Variants in EPHA3 observed in about 807,000 individuals in gnomAD.
EPHA3 encodes the protein EPH receptor A3, also known as ephrin type-A receptor 3.
In EPHA3, 42 loss-of-function variants were observed where a neutral mutation model predicts 107.1. The observed-to-expected ratio is 0.39, with a 90% CI of 0.31 to 0.51. The LOEUF (loss-of-function observed/expected upper bound fraction) is 0.51, where lower values mean the gene tolerates loss of function less well. EPHA3 is among the 20% of genes least tolerant of loss of function. EPHA3 has a pLI of 0.78. For synonymous variants in EPHA3, 461 were observed against 424.8 expected (o/e 1.09, Z -1.05); for missense variants, 1,183 against 1,211.2 (o/e 0.98, Z 0.35).
intron 5 of EPHA3, among the ~76,000 whole-genome samples, chr3:89,390,823 T>C (rs931044254): frequency 6.8e-6 from 1 of 147,158 alleles, no homozygotes; most frequent in African/African-American, 2.6e-5. Flanking sequence ...TTACTCTTGT[T>C]TTCCAGGCTG....
At chr3:89,466,906 G>A (rs894125941) in intron 15 of EPHA3, among the ~76,000 whole-genome samples, 4 of 151,564 alleles carry the variant, frequency 2.6e-5, no homozygotes, top group Admixed American at 1.3e-4. Flanking sequence ...TTTACCACAC[G>A]GAGGAATTAA....
intron 3 of EPHA3, among the ~76,000 whole-genome samples, chr3:89,272,026 T>C (rs1705681097): frequency 6.6e-6 from 1 of 152,096 alleles, no homozygotes; most frequent in Non-Finnish European, 1.5e-5. Context: ...ATTTTCTTAA[T>C]AACTTTGTCT....
rs1297768394 is a variant in EPHA3 at position 89,466,547 on chromosome 3, A to C, written c.2691-5917A>C. On this transcript the variant is annotated intron_variant, in intron 15 of 16. Coordinates refer to ENST00000336596, the MANE Select transcript of EPHA3 (RefSeq NM_005233.6). ...ATAGTCTTGTGGTGCGCCGTTTCTT[A>C]AGCCGGTCTGAAAAGCGCAATATTC... Among the ~76,000 whole-genome samples the C allele has an allele frequency of 3.0e-5, 4 of 132,950 alleles. 1 individual carries two copies. The highest frequency in any genetic ancestry group is 4.9e-5 in the Non-Finnish European group (3 of 61,246). The allele number at this position is 132,950 out of a possible 152,430, so 87.2% of individuals were successfully genotyped here. A position where few individuals can be genotyped will look rare whatever the true frequency, so the allele number is the denominator to read the frequency against.
At chr3:89,441,383 T>C (rs1221170496) in intron 13 of EPHA3, among the ~76,000 whole-genome samples, 1 of 152,228 alleles carries the variant, frequency 6.6e-6, no homozygotes, top group African/African-American at 2.4e-5. Flanking sequence ...ATTCTGGGCT[T>C]GCTCCAAGCA....
intron 7 of EPHA3, among the ~76,000 whole-genome samples, chr3:89,403,524 G>A (rs2107513191): frequency 6.6e-6 from 1 of 152,122 alleles, no homozygotes; most frequent in Non-Finnish European, 1.5e-5. Context: ...AAGACCCATA[G>A]AAAGCATGGA....
At chr3:89,273,398 A>G (rs958989741) in intron 3 of EPHA3, among the ~76,000 whole-genome samples, 2 of 151,980 alleles carry the variant, frequency 1.3e-5, no homozygotes, top group African/African-American at 2.4e-5. Flanking sequence ...TAAACTTTAT[A>G]TTAATAGAAC....
At chr3:89,457,470 C>A (rs2107562467) in intron 15 of EPHA3, among the ~76,000 whole-genome samples, 1 of 152,226 alleles carries the variant, frequency 6.6e-6, no homozygotes, top group East Asian at 1.9e-4. Flanking sequence ...CACGAGGAGT[C>A]TAGGTTATGC....
chr3:89,438,897 A>G (rs1317512493), intron 13 of EPHA3, among the ~76,000 whole-genome samples: 1 of 152,228 alleles, frequency 6.6e-6, no homozygotes, highest in Non-Finnish European at 1.5e-5. Context: ...AGTACTTTCT[A>G]CCCATCTATT....
intron 2 of EPHA3, among the ~76,000 whole-genome samples, chr3:89,178,671 T>C (rs1277884992): frequency 6.6e-6 from 1 of 151,784 alleles, no homozygotes; most frequent in Non-Finnish European, 1.5e-5. Flanking sequence ...TAATTCTGAA[T>C]AATATAATGT....
At chr3:89,308,453 G>A (rs1206439687) in intron 3 of EPHA3, among the ~76,000 whole-genome samples, 1 of 152,118 alleles carries the variant, frequency 6.6e-6, no homozygotes, top group Non-Finnish European at 1.5e-5. Context: ...GGGTGGTAGA[G>A]GCAGGAGTGC....
intron 15 of EPHA3, among the ~76,000 whole-genome samples, chr3:89,467,463 A>G (rs1710308408): frequency 6.6e-6 from 1 of 152,162 alleles, no homozygotes. Context: ...ATTATTTTTG[A>G]TATTTGAGGA....
intron 2 of EPHA3, among the ~76,000 whole-genome samples, chr3:89,208,548 G>A (rs1374248465): frequency 7.0e-6 from 1 of 143,636 alleles, no homozygotes; most frequent in East Asian, 2.0e-4. Flanking sequence ...AAAAAAGAAA[G>A]AGAAAGAAAG....
At chr3:89,351,197 C>T (rs1470126206) in intron 5 of EPHA3, among the ~76,000 whole-genome samples, 3 of 151,296 alleles carry the variant, frequency 2.0e-5, no homozygotes, top group East Asian at 1.9e-4. Flanking sequence ...TGGGCAATGG[C>T]GGGCGCCCCT....
At chr3:89,229,358 T>A in intron 3 of EPHA3, among the ~76,000 whole-genome samples, 1 of 151,886 alleles carries the variant, frequency 6.6e-6, no homozygotes, top group East Asian at 1.9e-4. Flanking sequence ...TATTCCTGCC[T>A]AATTATTTAT....
chr3:89,173,209 G>A (rs1367964712), intron 2 of EPHA3, among the ~76,000 whole-genome samples: 5 of 152,004 alleles, frequency 3.3e-5, no homozygotes, highest in Non-Finnish European at 7.4e-5. Context: ...TGAATTTAAT[G>A]ACTATTGAAT....
intron 15 of EPHA3, among the ~76,000 whole-genome samples, chr3:89,451,453 T>C (rs1329572888): frequency 6.6e-6 from 1 of 152,200 alleles, no homozygotes; most frequent in Admixed American, 6.5e-5. Context: ...AAAAAGGTTC[T>C]TTTACATTTT....
chr3:89,205,255 T>A (rs1706071223), intron 2 of EPHA3, among the ~76,000 whole-genome samples: 1 of 152,180 alleles, frequency 6.6e-6, no homozygotes. Context: ...GTAATTAATA[T>A]CAACAATAAA....
At chr3:89,357,537 T>G (rs137971396) in intron 5 of EPHA3, among the ~76,000 whole-genome samples, 3 of 151,438 alleles carry the variant, frequency 2.0e-5, no homozygotes, top group Admixed American at 6.6e-5. Context: ...CGTCTATCTT[T>G]GTCCACCTAA....
chr3:89,454,691 T>G (rs1710062192), intron 15 of EPHA3, among the ~76,000 whole-genome samples: 1 of 152,208 alleles, frequency 6.6e-6, no homozygotes, highest in Non-Finnish European at 1.5e-5. Flanking sequence ...CTCCTTTTGG[T>G]TGTTTAAAAA....
Sources: allele counts gnomAD v4.1 joint callset (sites outside exome capture counted in the v4.1 genomes callset), GRCh38; gene constraint gnomAD v4.1.1; transcripts MANE v1.5; gene names NCBI Gene and HGNC (gene_info 2026-07-23, HGNC 2026-07-21).